The following CTCFL variants were observed in gnomAD, a reference collection of about 807,000 sequenced individuals.
The protein encoded by CTCFL is CCCTC-binding factor like.
Under a neutral mutation model 67.4 loss-of-function variants are expected in CTCFL, and 36 were observed. The ratio of observed to expected loss-of-function variants is 0.53; its 90% confidence interval spans 0.41 to 0.71. The LOEUF (loss-of-function observed/expected upper bound fraction) is 0.71. Among genes scored for constraint, CTCFL ranks in the 30% least tolerant of loss-of-function variants. The pLI, the probability that CTCFL is intolerant of heterozygous loss-of-function variation, is 0.00. For missense variants in CTCFL, 786 were observed against 835.2 expected (o/e 0.94, Z 0.73); for synonymous variants, 324 against 302.3 (o/e 1.07, Z -0.75).
intron 9 of CTCFL, among the ~76,000 whole-genome samples, chr20:57,503,833 C>G (rs1416457051): frequency 6.6e-6 from 1 of 151,816 alleles, no homozygotes; most frequent in Non-Finnish European, 1.5e-5. Flanking sequence ...CTTTAGGAGG[C>G]CCAGGAGGGA....
chr20:57,518,748 A>G lies in CTCFL; in HGVS notation c.1059+10T>C, dbSNP rs1279686452. 5.6e-6 allele frequency: 9 copies of G among 1,614,202 alleles called. No individual in the cohort carries two copies. Among genetic ancestry groups the G allele is most frequent in the Non-Finnish European group, 7.6e-6 (9 of 1,180,032 alleles). ...ATGCCATGAAGCTTCAAGTCCAAGA[A>G]TGGCTTTACCTCCACACTGGCATAC... On this transcript the variant is annotated intron_variant, in intron 5 of 10. Transcript: ENST00000243914.
chr20:57,499,950 G>C (rs2067831788), intron 10 of CTCFL: 2 of 985,640 alleles, frequency 2.0e-6, no homozygotes, highest in African/African-American at 3.5e-5. Context: ...GTCCACGGCT[G>C]GGGGGTTGGG....
chr20:57,521,694 TAAATA>T (rs1401863924), intron 3 of CTCFL, among the ~76,000 whole-genome samples: 1 of 152,120 alleles, frequency 6.6e-6, no homozygotes, highest in African/African-American at 2.4e-5. Context: ...AATGAAGGGA[TAAATA>T]AAATGTGCTA....
chr20:57,516,450 C>G (rs1299719984), intron 5 of CTCFL, among the ~76,000 whole-genome samples: 1 of 152,076 alleles, frequency 6.6e-6, no homozygotes, highest in Admixed American at 6.6e-5. Context: ...GGTGGCAGGA[C>G]TGTTTGAGCC....
intron 10 of CTCFL, among the ~76,000 whole-genome samples, chr20:57,502,875 T>C (rs545956805): frequency 9.2e-5 from 14 of 152,208 alleles, no homozygotes; most frequent in African/African-American, 3.4e-4. Flanking sequence ...AAATCCTAAA[T>C]GATAAATGTC....
At position 57,497,275 on chromosome 20, in the gene CTCFL, C is replaced by G. The variant is rs1158350855; in HGVS notation, c.*1275G>C. On this transcript the variant is annotated 3_prime_UTR_variant, in exon 11 of 11. Transcript: ENST00000243914. ...ATTCAGTCACAATGATGGCATACTA[C>G]AGCCCACAGAATTTAAATCTCATGT... 1.0e-6 allele frequency: 1 copy of G among 982,898 alleles called. No homozygotes were observed. The highest frequency in any genetic ancestry group is 1.2e-6 in the Non-Finnish European group (1 of 827,788). The allele number at this position is 982,898 out of a possible 1,614,324, so 60.9% of individuals were successfully genotyped here. A position where few individuals can be genotyped will look rare whatever the true frequency, so the allele number is the denominator to read the frequency against.
chr20:57,513,029 C>T (rs1319348406), intron 7 of CTCFL, among the ~76,000 whole-genome samples: 1 of 152,154 alleles, frequency 6.6e-6, no homozygotes, highest in Non-Finnish European at 1.5e-5. Flanking sequence ...AAATCATTCT[C>T]AGCTGAGAAC....
chr20:57,512,740 C>T lies in CTCFL; in HGVS notation c.1343G>A (p.Arg448His), dbSNP rs6092491. The T allele has an allele frequency of 2.0e-3, 3,158 of 1,614,062 alleles. 53 individuals are homozygous for T. The African/African-American group carries it at 0.035, about 18-fold the overall frequency. ...ARKSDLRVHM[R>H]NLHAYSAAEL... ...TGCAGCGCTGTAAGCATGCAAGTTG[C>T]GCATATGCACACCTAAAATGGTCAC... Residue 448 changes from arginine (R) to histidine (H), a missense_variant, in exon 8 of 11, where the codon CGC becomes CAC. Coordinates refer to ENST00000243914, the MANE Select transcript of CTCFL (RefSeq NM_001386993.1).
chr20:57,520,979 A>G (rs931735925), intron 3 of CTCFL, among the ~76,000 whole-genome samples: 1 of 152,246 alleles, frequency 6.6e-6, no homozygotes, highest in Non-Finnish European at 1.5e-5. Flanking sequence ...ATTCCATGTG[A>G]TAACAGAGGC....
rs1238857539 is a variant in CTCFL, at chr20:57,514,667, G to C, written c.1255C>G (p.Gln419Glu). 2 of 1,614,110 alleles carry C rather than the reference G, an allele frequency of 1.2e-6. No homozygotes were observed. Among genetic ancestry groups the C allele is most frequent in the African/African-American group, 2.7e-5 (2 of 74,934 alleles). The change falls in exon 7 of 11, where the codon CAG (glutamine) becomes GAG (glutamate). Residue 419 changes from glutamine to glutamate, a missense_variant. By Grantham distance (29) the Gln-to-Glu change is conservative (BLOSUM62 2). Coordinates refer to ENST00000243914, the MANE Select transcript of CTCFL (RefSeq NM_001386993.1). ...TTGGGGACATTTTCGCCGTGTTTCT[G>C]CAGAATATGTATTTTCATGGTCCCG... is the stretch of plus-strand genomic sequence containing the variant. ...QSGTMKIHIL[Q>E]KHGENVPKYQ... is the part of the protein sequence containing the mutation.
intron 9 of CTCFL, chr20:57,507,723 G>A (rs1469408161): frequency 1.4e-6 from 1 of 702,990 alleles, no homozygotes; most frequent in Non-Finnish European, 2.6e-6. Context: ...CATCCTGACT[G>A]CAGCCTCAGG....
At chr20:57,513,330 T>A (rs1421241189) in intron 7 of CTCFL, 1 of 986,098 alleles carries the variant, frequency 1.0e-6, no homozygotes, top group Non-Finnish European at 1.2e-6. Flanking sequence ...CTGGGTTTGC[T>A]CATCTAAGTC....
intron 5 of CTCFL, among the ~76,000 whole-genome samples, chr20:57,517,946 T>A (rs1254976716): frequency 1.3e-5 from 2 of 152,202 alleles, no homozygotes; most frequent in Non-Finnish European, 2.9e-5. Flanking sequence ...GAGAAATAAT[T>A]TTTTTAAAAA....
At chr20:57,507,604 T>C (rs2068281665) in intron 9 of CTCFL, 1 of 702,802 alleles carries the variant, frequency 1.4e-6, no homozygotes, top group African/African-American at 1.7e-5. Context: ...TGCAGAGAGG[T>C]CCCTGTAGCA....
chr20:57,498,230 G>A lies in CTCFL; in HGVS notation c.*320C>T. 9.7e-7 allele frequency: 1 copy of A among 1,027,494 alleles called. No homozygotes were observed. Among genetic ancestry groups the A allele is most frequent in the Non-Finnish European group, 1.2e-6 (1 of 856,594 alleles). 63.6% of individuals were successfully genotyped at this position (1,027,494 alleles called of 1,614,324 possible). A position where few individuals can be genotyped will look rare whatever the true frequency, so the allele number is the denominator to read the frequency against. On this transcript the variant is annotated 3_prime_UTR_variant, in exon 11 of 11. Transcript: ENST00000243914. Reference sequence around the variant, plus strand: ...CCAATATCAAGTGAATGAATCCATAGGTTTGAGGTGTTACCCTCTCATTCA... The same window carrying A: ...CCAATATCAAGTGAATGAATCCATAAGTTTGAGGTGTTACCCTCTCATTCA...
chr20:57,515,992 C>A (rs963904607), intron 5 of CTCFL, among the ~76,000 whole-genome samples, 158 bp from the exon 6 acceptor site: 11 of 152,118 alleles, frequency 7.2e-5, no homozygotes, highest in African/African-American at 2.7e-4. Context: ...AAAGTCATCA[C>A]TTTTGATCAT....
At chr20:57,521,468 G>A (rs539124331) in intron 3 of CTCFL, among the ~76,000 whole-genome samples, 2 of 152,370 alleles carry the variant, frequency 1.3e-5, no homozygotes, top group East Asian at 1.9e-4. Flanking sequence ...CACTGCTGGT[G>A]CAAATTCAAA....
In CTCFL at chr20:57,523,283, TAAAC is replaced by T. The variant is rs749944195; in HGVS notation, c.544-9_544-6del. 1.7e-4 allele frequency: 278 copies of T among 1,610,062 alleles called. 3 individuals are homozygous for T. The South Asian group carries it at 2.5e-3, about 15-fold the overall frequency. ...CTTCTCCTGCTCTTCCTCGAGCTAA[TAAAC>T]AACAAATATTCAAATATGATACTAT... On this transcript the variant is annotated splice_region_variant and splice_polypyrimidine_tract_variant and intron_variant, in intron 2 of 10. Coordinates refer to ENST00000243914, the MANE Select transcript of CTCFL (RefSeq NM_001386993.1).
Position 57,524,535 on chromosome 20 carries a change from A to C in CTCFL, c.-11-319T>G, listed in dbSNP as rs925471363. 2.7e-6 allele frequency: 3 copies of C among 1,109,278 alleles called. No individual in the cohort carries two copies. The African/African-American group carries it at 4.9e-5, about 18-fold the overall frequency. 68.7% of individuals were successfully genotyped at this position (1,109,278 alleles called of 1,614,324 possible). On this transcript the variant is annotated intron_variant, in intron 1 of 10. Coordinates refer to ENST00000243914, the MANE Select transcript of CTCFL (RefSeq NM_001386993.1). ...CTGAGCACACTCTGGCCCAGTGCAT[A>C]TCCTGGGCCTAGCAAGGTTAGGCCT... is the stretch of plus-strand genomic sequence containing the variant.
Sources: allele counts gnomAD v4.1 joint callset (sites outside exome capture counted in the v4.1 genomes callset), GRCh38; gene constraint gnomAD v4.1.1; transcripts MANE v1.5; gene names NCBI Gene and HGNC (gene_info 2026-07-23, HGNC 2026-07-21).